Variants in PEPD observed in about 807,000 individuals in gnomAD.
PEPD encodes the protein peptidase D, also known as xaa-Pro dipeptidase.
PEPD carries 53 observed loss-of-function variants against 60.7 expected under a neutral mutation model. The observed-to-expected ratio is 0.87, with a 90% CI of 0.70 to 1.10. The LOEUF is 1.10. Ranked by LOEUF, PEPD falls within the 50% of genes least tolerant of loss-of-function variation. The probability of loss-of-function intolerance (pLI) is 0.00; values close to 1 mark genes in which losing one functional copy is unlikely to be tolerated. For synonymous variants in PEPD, 267 were observed against 284.1 expected, an observed-to-expected ratio of 0.94 and a Z score of 0.60; for missense variants, 711 against 711.9, an observed-to-expected ratio of 1.00 and a Z score of 0.01.
intron 4 of PEPD, among the ~76,000 whole-genome samples, chr19:33,500,290 C>T (rs1970683665): frequency 6.6e-6 from 1 of 152,216 alleles, no homozygotes; most frequent in Non-Finnish European, 1.5e-5. Flanking sequence ...TCAAGTAGAC[C>T]ACAGGGGCTC....
intron 7 of PEPD, among the ~76,000 whole-genome samples, chr19:33,469,617 G>A (rs1003973878): frequency 4.6e-5 from 7 of 151,676 alleles, no homozygotes; most frequent in East Asian, 1.9e-4. Context: ...AAGCTCACAC[G>A]CCCACCTGGG....
intron 3 of PEPD, among the ~76,000 whole-genome samples, chr19:33,505,252 TG>T (rs1970777674): frequency 6.6e-6 from 1 of 152,032 alleles, no homozygotes; most frequent in Non-Finnish European, 1.5e-5. Context: ...ACTCTCACTC[TG>T]CTCTCCACAG....
At chr19:33,388,351 C>T (rs1968130236) in intron 13 of PEPD, 1 of 626,160 alleles carries the variant, frequency 1.6e-6, no homozygotes, top group African/African-American at 1.8e-5. Flanking sequence ...GTGCACACAC[C>T]CGGGGCAAGC....
chr19:33,480,872 T>C (rs1366651266), intron 6 of PEPD, among the ~76,000 whole-genome samples: 1 of 151,320 alleles, frequency 6.6e-6, no homozygotes, highest in Admixed American at 6.6e-5. Context: ...AGCTCTAAAA[T>C]ACTCAGCCAA....
intron 6 of PEPD, among the ~76,000 whole-genome samples, chr19:33,486,113 C>CA (rs1158087659): frequency 6.6e-6 from 1 of 152,138 alleles, no homozygotes; most frequent in Non-Finnish European, 1.5e-5. Flanking sequence ...TAGATGTTTT[C>CA]AGAGATCTAC....
At chr19:33,480,198 GATGAGAAACGAT>G (rs1970288223) in intron 6 of PEPD, among the ~76,000 whole-genome samples, 1 of 152,120 alleles carries the variant, frequency 6.6e-6, no homozygotes, top group East Asian at 1.9e-4. Context: ...AAAGTAAAAT[GATGAGAAACGAT>G]ATGCTACACA....
At chr19:33,422,299 C>T (rs1969036146) in intron 9 of PEPD, among the ~76,000 whole-genome samples, 1 of 152,152 alleles carries the variant, frequency 6.6e-6, no homozygotes, top group African/African-American at 2.4e-5. Context: ...CTGTAACCCT[C>T]ACCACCATCT....
chr19:33,445,113 A>G (rs918012763), intron 9 of PEPD, among the ~76,000 whole-genome samples: 4 of 152,218 alleles, frequency 2.6e-5, no homozygotes, highest in African/African-American at 9.6e-5. Flanking sequence ...CAATGGTCCC[A>G]TACACAGAGG....
At chr19:33,509,736 G>A (rs929811098) in intron 3 of PEPD, among the ~76,000 whole-genome samples, 3 of 152,220 alleles carry the variant, frequency 2.0e-5, no homozygotes, top group South Asian at 2.1e-4. Context: ...GAGATGACAC[G>A]CAGTGAGGCA....
chr19:33,437,606 C>T (rs930054573), intron 9 of PEPD, among the ~76,000 whole-genome samples: 1 of 152,186 alleles, frequency 6.6e-6, no homozygotes, highest in African/African-American at 2.4e-5. Flanking sequence ...GTTGAACTCT[C>T]TGCTGTCACA....
At chr19:33,480,840 G>GTGTGTGTGTATA (rs151181225) in intron 6 of PEPD, among the ~76,000 whole-genome samples, 21 of 150,974 alleles carry the variant, frequency 1.4e-4, no homozygotes, top group South Asian at 6.3e-4. Flanking sequence ...GTGTGTGTGT[G>GTGTGTGTGTATA]TATATCAAAA....
At chr19:33,512,805 ACAGG>A (rs760155622) in intron 1 of PEPD, 29 bp from the exon 2 acceptor site, 9 of 1,612,852 alleles carry the variant, frequency 5.6e-6, no homozygotes, top group Non-Finnish European at 7.6e-6. Context: ...ACACCGCCAC[ACAGG>A]CCTCTGTTAG....
intron 9 of PEPD, among the ~76,000 whole-genome samples, chr19:33,426,011 C>T (rs1342684888): frequency 6.6e-6 from 1 of 152,174 alleles, no homozygotes; most frequent in Non-Finnish European, 1.5e-5. Flanking sequence ...GTAGAGACAG[C>T]ATCTTGCTAT....
chr19:33,428,660 T>C (rs1969204395), intron 9 of PEPD, among the ~76,000 whole-genome samples: 1 of 152,188 alleles, frequency 6.6e-6, no homozygotes, highest in African/African-American at 2.4e-5. Context: ...AAAAGCCCTC[T>C]GTAGGCAAGT....
intron 9 of PEPD, among the ~76,000 whole-genome samples, chr19:33,432,904 C>A (rs1969303086): frequency 6.6e-6 from 1 of 152,254 alleles, no homozygotes. Context: ...GGGTCACATG[C>A]ACACGCCTTC....
At chr19:33,390,029 C>T (rs771077556) in intron 13 of PEPD, among the ~76,000 whole-genome samples, 1 of 152,240 alleles carries the variant, frequency 6.6e-6, no homozygotes, top group South Asian at 2.1e-4. Context: ...CTCGCCTCTG[C>T]CTGGGCACAG....
At chr19:33,510,195 A>G (rs969825826) in intron 3 of PEPD, among the ~76,000 whole-genome samples, 3 of 152,254 alleles carry the variant, frequency 2.0e-5, no homozygotes, top group African/African-American at 7.2e-5. Flanking sequence ...CCCCCAGTTG[A>G]CAGGGCTCTG....
At chr19:33,519,924 G>A (rs1334488754) in intron 1 of PEPD, among the ~76,000 whole-genome samples, 1 of 152,058 alleles carries the variant, frequency 6.6e-6, no homozygotes, top group African/African-American at 2.4e-5. Context: ...AAAATTAGCT[G>A]AGTGTGGTGG....
At chr19:33,458,319 GAT>G (rs1969850420) in intron 9 of PEPD, among the ~76,000 whole-genome samples, 3 of 151,212 alleles carry the variant, frequency 2.0e-5, no homozygotes, top group Admixed American at 2.0e-4. Context: ...TGTGGCATGC[GAT>G]GTGTGGTGTG....
Sources: allele counts gnomAD v4.1 joint callset (sites outside exome capture counted in the v4.1 genomes callset), GRCh38; gene constraint gnomAD v4.1.1; transcripts MANE v1.5; gene names NCBI Gene and HGNC (gene_info 2026-07-23, HGNC 2026-07-21).